The following SPTSSA variants were observed in gnomAD, a reference collection of about 807,000 sequenced individuals.
The protein encoded by SPTSSA is small subunit of serine palmitoyltransferase A.
Under a neutral mutation model 9.1 loss-of-function variants are expected in SPTSSA, and 8 were observed. That is an observed-to-expected ratio of 0.88 (90% confidence interval 0.51 to 1.58). SPTSSA has a LOEUF of 1.58. SPTSSA is among the 40% of genes most tolerant of loss of function. The pLI is 0.00. For missense variants in SPTSSA, 100 were observed against 93.8 expected (o/e 1.07, Z -0.27); for synonymous variants, 42 against 37.7 (o/e 1.11, Z -0.41).
intron 1 of SPTSSA, among the ~76,000 whole-genome samples, chr14:34,457,187 G>A (rs1594626610): frequency 6.6e-6 from 1 of 151,840 alleles, no homozygotes; most frequent in African/African-American, 2.4e-5. Flanking sequence ...CATGCTGGCC[G>A]AGCTGGCCTT....
intron 1 of SPTSSA, among the ~76,000 whole-genome samples, chr14:34,439,637 A>G (rs1296233775): frequency 1.3e-5 from 2 of 152,156 alleles, no homozygotes; most frequent in Non-Finnish European, 2.9e-5. Context: ...AGAGTCTCAG[A>G]AAACAACATT....
intron 1 of SPTSSA, among the ~76,000 whole-genome samples, chr14:34,456,974 C>A (rs201513903): frequency 9.8e-6 from 1 of 102,024 alleles, no homozygotes; most frequent in African/African-American, 4.7e-5. Flanking sequence ...ATTATTATTA[C>A]TATTATTATT....
At chr14:34,457,991 CAAAGAAAAGA>C (rs1208066696) in intron 1 of SPTSSA, among the ~76,000 whole-genome samples, 1 of 91,138 alleles carries the variant, frequency 1.1e-5, no homozygotes, top group Non-Finnish European at 2.2e-5. Flanking sequence ...AAAAAAAAAA[CAAAGAAAAGA>C]AAAGAAAAGA....
At chr14:34,441,882 GTTTT>G (rs1258946225) in intron 1 of SPTSSA, among the ~76,000 whole-genome samples, 2 of 146,968 alleles carry the variant, frequency 1.4e-5, no homozygotes, top group African/African-American at 5.0e-5. Context: ...CTGTTTTTTT[GTTTT>G]TTGTTTTTGG....
rs146152249 is a variant in SPTSSA, at chr14:34,453,726, C to T, written c.112+8370G>A. Among the ~76,000 whole-genome samples, 1,265 of 152,214 alleles carry T rather than the reference C, an allele frequency of 8.3e-3. 9 individuals are homozygous for T. Among genetic ancestry groups the T allele is most frequent in the Middle Eastern group, 0.014 (4 of 294 alleles). ...CATATATAATACATGCTGACCAAAA[C>T]GCTTGTATTAGTAAAACTTCTATTT... is the stretch of plus-strand genomic sequence containing the variant. On this transcript the variant is annotated intron_variant, in intron 1 of 1. Transcript: ENST00000298130.
chr14:34,462,063 C>A, intron 1 of SPTSSA, 33 bp downstream of exon 1: 2 of 1,330,906 alleles, frequency 1.5e-6, no homozygotes, highest in Non-Finnish European at 1.9e-6. Flanking sequence ...CGCCCCCAGC[C>A]CGGCCCCCGC....
chr14:34,450,580 G>A (rs1270715648), intron 1 of SPTSSA, among the ~76,000 whole-genome samples: 1 of 151,282 alleles, frequency 6.6e-6, no homozygotes, highest in South Asian at 2.1e-4. Flanking sequence ...ATTCTAGAGG[G>A]GGTTCCATGA....
chr14:34,436,752 C>G (rs1250836894), intron 1 of SPTSSA, among the ~76,000 whole-genome samples: 1 of 152,114 alleles, frequency 6.6e-6, no homozygotes, highest in African/African-American at 2.4e-5. Context: ...CAGGGCCATA[C>G]AGGAAGCTGT....
chr14:34,450,249 T>G (rs1410114256), intron 1 of SPTSSA, among the ~76,000 whole-genome samples: 1 of 152,214 alleles, frequency 6.6e-6, no homozygotes, highest in African/African-American at 2.4e-5. Flanking sequence ...ACTAATTTGT[T>G]ATTAATTTAC....
In SPTSSA at chr14:34,434,410, C is replaced by T. The variant is rs947223122; in HGVS notation, c.*791G>A. The T allele has an allele frequency of 1.3e-5, 2 of 152,506 alleles. No individual in the cohort carries two copies. Among genetic ancestry groups the T allele is most frequent in the African/African-American group, 2.4e-5 (1 of 41,416 alleles). 9.4% of individuals were successfully genotyped at this position (152,506 alleles called of 1,614,324 possible). A position where few individuals can be genotyped will look rare whatever the true frequency, so the allele number is the denominator to read the frequency against. On this transcript the variant is annotated 3_prime_UTR_variant, in exon 2 of 2. Coordinates refer to ENST00000298130, the MANE Select transcript of SPTSSA (RefSeq NM_138288.4). The stretch of plus-strand genomic sequence containing the variant: ...GAAGTACATTGTTAATAGTGACCCT[C>T]GGAGGAAATGGATTTCTCTTCTATT...
At chr14:34,436,720 T>C (rs1883246737) in intron 1 of SPTSSA, among the ~76,000 whole-genome samples, 1 of 152,168 alleles carries the variant, frequency 6.6e-6, no homozygotes, top group Admixed American at 6.5e-5. Context: ...AATCAGAAGC[T>C]GAGAAAACTG....
At chr14:34,445,030 CAG>C (rs1309079351) in intron 1 of SPTSSA, among the ~76,000 whole-genome samples, 5 of 151,786 alleles carry the variant, frequency 3.3e-5, no homozygotes, top group Admixed American at 6.6e-5. Context: ...GCAGAGGTTG[CAG>C]TAAGCCAAGA....
chr14:34,459,602 G>A (rs569260179), intron 1 of SPTSSA, among the ~76,000 whole-genome samples: 2 of 151,494 alleles, frequency 1.3e-5, no homozygotes, highest in African/African-American at 2.4e-5. Context: ...CCAACATGGC[G>A]AAACCCCATC....
chr14:34,459,646 T>C (rs571929132), intron 1 of SPTSSA, among the ~76,000 whole-genome samples: 2 of 151,734 alleles, frequency 1.3e-5, no homozygotes, highest in Non-Finnish European at 2.9e-5. Context: ...CCAGGCGTGG[T>C]GGCAGGCACC....
intron 1 of SPTSSA, among the ~76,000 whole-genome samples, chr14:34,456,791 C>T (rs907116587): frequency 6.7e-6 from 1 of 150,138 alleles, no homozygotes; most frequent in Non-Finnish European, 1.5e-5. Context: ...CCCAGCTACT[C>T]GGGAGGGCAA....
At chr14:34,446,430 T>C (rs1883423605) in intron 1 of SPTSSA, among the ~76,000 whole-genome samples, 1 of 152,246 alleles carries the variant, frequency 6.6e-6, no homozygotes, top group Non-Finnish European at 1.5e-5. Flanking sequence ...AAAAGGGGTC[T>C]GTTATGTGGA....
chr14:34,440,123 C>G (rs1260380981), intron 1 of SPTSSA, among the ~76,000 whole-genome samples: 1 of 152,194 alleles, frequency 6.6e-6, no homozygotes, highest in Non-Finnish European at 1.5e-5. Context: ...CTCAAATTAT[C>G]AACTCCTTAA....
intron 1 of SPTSSA, among the ~76,000 whole-genome samples, chr14:34,436,745 G>A (rs1883247048): frequency 6.6e-6 from 1 of 151,938 alleles, no homozygotes; most frequent in Non-Finnish European, 1.5e-5. Flanking sequence ...GCTTGTTCAG[G>A]GCCATACAGG....
intron 1 of SPTSSA, among the ~76,000 whole-genome samples, chr14:34,451,509 G>A (rs1298195507): frequency 6.6e-6 from 1 of 151,842 alleles, no homozygotes; most frequent in African/African-American, 2.4e-5. Context: ...AGATCACGAG[G>A]TCAGGAGATC....
Sources: gnomAD v4.1 joint callset for allele counts (sites outside exome capture counted in the v4.1 genomes callset) on GRCh38, gnomAD v4.1.1 for gene constraint, MANE v1.5 for transcripts, NCBI Gene and HGNC (gene_info 2026-07-23, HGNC 2026-07-21) for gene names.